The following ITGA8 variants were observed in gnomAD, a reference collection of about 807,000 sequenced individuals.
The protein encoded by ITGA8 is integrin alpha-8.
A neutral mutation model predicts 142.3 loss-of-function variants in ITGA8; 91 were observed. That is an observed-to-expected ratio of 0.64 (90% CI 0.54 to 0.76). ITGA8 has a LOEUF of 0.76. Among genes scored for constraint, ITGA8 ranks in the 30% least tolerant of loss-of-function variants. ITGA8 has a pLI of 0.00. For missense variants in ITGA8, 1,406 were observed against 1,327.7 expected (o/e 1.06, Z -0.92); for synonymous variants, 505 against 485.2 (o/e 1.04, Z -0.54).
At chr10:15,581,018 G>A (rs962077628) in intron 23 of ITGA8, among the ~76,000 whole-genome samples, 1 of 152,222 alleles carries the variant, frequency 6.6e-6, no homozygotes, top group Non-Finnish European at 1.5e-5. Context: ...CTCAGCTTCT[G>A]GGGGGTAATG....
intron 22 of ITGA8, 30 bp downstream of exon 22, chr10:15,592,195 G>C: frequency 6.5e-7 from 1 of 1,528,440 alleles, no homozygotes; most frequent in Non-Finnish European, 9.0e-7. Flanking sequence ...TTTGACTGCT[G>C]TCAACGATAT....
chr10:15,521,689 G>A (rs539816847), intron 28 of ITGA8, among the ~76,000 whole-genome samples: 123 of 152,312 alleles, frequency 8.1e-4, no homozygotes, highest in African/African-American at 2.1e-3. Context: ...ACATCAGTGT[G>A]AAGCATGACA....
At chr10:15,665,633 G>A (rs1179830660) in intron 8 of ITGA8, among the ~76,000 whole-genome samples, 1 of 152,102 alleles carries the variant, frequency 6.6e-6, no homozygotes, top group Non-Finnish European at 1.5e-5. Flanking sequence ...TTTCTTCTAG[G>A]GTTTTTATGG....
At chr10:15,586,345 C>T (rs2131592225) in intron 23 of ITGA8, among the ~76,000 whole-genome samples, 1 of 152,104 alleles carries the variant, frequency 6.6e-6, no homozygotes, top group South Asian at 2.1e-4. Context: ...AGGCATGAGC[C>T]ACCGCGCCTG....
chr10:15,632,006 C>A (rs12414926), intron 13 of ITGA8, among the ~76,000 whole-genome samples: 7 of 151,822 alleles, frequency 4.6e-5, no homozygotes, highest in African/African-American at 1.5e-4. Context: ...TTGTATCTGG[C>A]GAGGGAAATT....
At chr10:15,538,582 A>C (rs972458967) in intron 27 of ITGA8, among the ~76,000 whole-genome samples, 2 of 151,604 alleles carry the variant, frequency 1.3e-5, no homozygotes, top group African/African-American at 4.8e-5. Context: ...ACTTTAGAAA[A>C]GCAGAATCTA....
chr10:15,705,351 C>T (rs1027600278), intron 2 of ITGA8, among the ~76,000 whole-genome samples: 5 of 152,162 alleles, frequency 3.3e-5, no homozygotes, highest in African/African-American at 9.7e-5. Context: ...AAAATGCAAG[C>T]AATGAGAAAA....
chr10:15,602,918 C>T (rs1833129003), intron 20 of ITGA8, among the ~76,000 whole-genome samples: 1 of 150,330 alleles, frequency 6.7e-6, no homozygotes, highest in African/African-American at 2.5e-5. Context: ...TCACTGTCAA[C>T]ATGGAAGAGT....
chr10:15,597,436 C>T, intron 20 of ITGA8, 137 bp from the exon 21 acceptor site: 1 of 649,630 alleles, frequency 1.5e-6, no homozygotes, highest in South Asian at 1.8e-5. Flanking sequence ...TAATTGATGA[C>T]CCTTAACTCA....
intron 8 of ITGA8, among the ~76,000 whole-genome samples, chr10:15,670,018 GA>G: frequency 6.6e-6 from 1 of 152,254 alleles, no homozygotes; most frequent in South Asian, 2.1e-4. Flanking sequence ...CGTGCTGGGA[GA>G]ACCACTACTC....
Position 15,666,309 on chromosome 10 carries a change from G to C in ITGA8, c.847+5294C>G, listed in dbSNP as rs1042260448. 2.0e-5 allele frequency among the ~76,000 whole-genome samples: 3 copies of C among 151,930 alleles called. No homozygotes were observed. The South Asian group carries it at 6.2e-4, about 32-fold the overall frequency. On this transcript the variant is annotated intron_variant, in intron 8 of 29. Coordinates refer to ENST00000378076, the MANE Select transcript of ITGA8 (RefSeq NM_003638.3). ...TGAATGGGAGTTCACTCATGATTTG[G>C]CTCTCTGTTTGTCTGTTATTGGTGT...
In ITGA8 at chr10:15,660,344, A is replaced by C. The variant is rs567097896; in HGVS notation, c.891+535T>G. 4.6e-5 allele frequency among the ~76,000 whole-genome samples: 7 copies of C among 152,316 alleles called. No individual in the cohort carries two copies. In the South Asian group the frequency reaches 1.5e-3, roughly 32 times the overall value. On this transcript the variant is annotated intron_variant, in intron 9 of 29. Transcript: ENST00000378076. ...TTTTCATTTTGCACTAGGTCTCATC[A>C]GTTAAGTAGCTGCTCCTGCACATGG...
intron 25 of ITGA8, among the ~76,000 whole-genome samples, chr10:15,558,520 A>G (rs1833922841): frequency 6.6e-6 from 1 of 152,212 alleles, no homozygotes. Flanking sequence ...CGTTTCAGAC[A>G]TGAGCCATCC....
rs766301466 is a variant in ITGA8 at position 15,519,357 on chromosome 10, C to T, written c.3038G>A (p.Trp1013Ter). Residue 1013 changes from tryptophan to a stop codon, truncating the protein, a stop_gained, in exon 29 of 30, where the codon TGG becomes TAG. Coordinates refer to ENST00000378076, the MANE Select transcript of ITGA8 (RefSeq NM_003638.3). LOFTEE classifies it high-confidence loss of function. ...AAGAAGTATTGCTAGTATTATTACCCATAATGGGATTGAGAAGGAAACATT... is the reference window on the plus strand; with the variant it reads ...AAGAAGTATTGCTAGTATTATTACCTATAATGGGATTGAGAAGGAAACATT... ...TPNVSFSIPL[W>*]VIILAILLGL... The T allele has an allele frequency of 4.3e-6, 7 of 1,613,546 alleles. No homozygotes were observed. Among genetic ancestry groups the T allele is most frequent in the African/African-American group, 4.0e-5 (3 of 75,016 alleles).
At chr10:15,566,558 C>G (rs996790902) in intron 25 of ITGA8, among the ~76,000 whole-genome samples, 2 of 152,068 alleles carry the variant, frequency 1.3e-5, no homozygotes, top group African/African-American at 4.8e-5. Flanking sequence ...TGCCTGTAAT[C>G]CCAGCACTTT....
At chr10:15,699,787 C>T (rs962513531) in intron 2 of ITGA8, among the ~76,000 whole-genome samples, 2 of 152,196 alleles carry the variant, frequency 1.3e-5, no homozygotes, top group Non-Finnish European at 2.9e-5. Flanking sequence ...TGCCCACTAG[C>T]AGTGGAGGAG....
intron 27 of ITGA8, among the ~76,000 whole-genome samples, chr10:15,532,755 T>C (rs1015006231): frequency 6.6e-6 from 1 of 151,444 alleles, no homozygotes; most frequent in African/African-American, 2.4e-5. Flanking sequence ...TTCAAGACTT[T>C]TGGGTGCCGG....
At position 15,521,440 on chromosome 10, in the gene ITGA8, C is replaced by G. The variant is rs559013195; in HGVS notation, c.2983-2028G>C. ...TCCCCCATGCAGCAGATGCTGATGACTCAATTCATTCGATTCTCCAGCCCC... is the reference window on the plus strand; with the variant it reads ...TCCCCCATGCAGCAGATGCTGATGAGTCAATTCATTCGATTCTCCAGCCCC... On this transcript the variant is annotated intron_variant, in intron 28 of 29. Coordinates refer to ENST00000378076, the MANE Select transcript of ITGA8 (RefSeq NM_003638.3). Among the ~76,000 whole-genome samples the G allele has an allele frequency of 2.0e-5, 3 of 152,254 alleles. No homozygotes were observed. The East Asian group carries it at 5.8e-4, about 29-fold the overall frequency.
At chr10:15,569,654 C>T (rs940093950) in intron 25 of ITGA8, among the ~76,000 whole-genome samples, 4 of 152,166 alleles carry the variant, frequency 2.6e-5, no homozygotes, top group Admixed American at 1.3e-4. Context: ...CCTGGCCTTA[C>T]GTGATCCTCC....
Sources: gnomAD v4.1 joint callset for allele counts (sites outside exome capture counted in the v4.1 genomes callset) on GRCh38, gnomAD v4.1.1 for gene constraint, MANE v1.5 for transcripts, NCBI Gene and HGNC (gene_info 2026-07-23, HGNC 2026-07-21) for gene names.